CADM1: variants seen among roughly 807,000 people sequenced by gnomAD.
CADM1 encodes the protein cell adhesion molecule 1, also known as TSLC-1.
Under a neutral mutation model 53.1 loss-of-function variants are expected in CADM1, and 15 were observed. The observed-to-expected ratio is 0.28, with a 90% CI of 0.19 to 0.44. The LOEUF is 0.44. CADM1 is among the 20% of genes least tolerant of loss of function. The pLI is 1.00. For synonymous variants in CADM1, 281 were observed against 243.0 expected, an observed-to-expected ratio of 1.16 and a Z score of -1.45; for missense variants, 434 against 611.3, an observed-to-expected ratio of 0.71 and a Z score of 3.06.
chr11:115,402,178 A>G (rs1014789018), intron 1 of CADM1, among the ~76,000 whole-genome samples: 4 of 152,226 alleles, frequency 2.6e-5, no homozygotes, highest in African/African-American at 9.6e-5. Context: ...TACTTGGAAA[A>G]ACAATGTTCG....
chr11:115,253,573 G>A (rs1942677783), intron 1 of CADM1, among the ~76,000 whole-genome samples: 3 of 152,116 alleles, frequency 2.0e-5, no homozygotes, highest in Admixed American at 1.3e-4. Flanking sequence ...ATATTCTTAG[G>A]TAAAAATATA....
intron 1 of CADM1, among the ~76,000 whole-genome samples, chr11:115,422,342 G>C (rs560748261): frequency 1.3e-5 from 2 of 152,256 alleles, no homozygotes; most frequent in East Asian, 3.9e-4. Flanking sequence ...ATGTTCGTTT[G>C]ACCCGAAGCT....
intron 4 of CADM1, among the ~76,000 whole-genome samples, 198 bp from the exon 5 acceptor site, chr11:115,229,469 C>T (rs1941741384): frequency 6.6e-6 from 1 of 152,128 alleles, no homozygotes; most frequent in South Asian, 2.1e-4. Context: ...TTCAACCAGG[C>T]AGCATAGTAT....
At chr11:115,393,040 G>C (rs1946878600) in intron 1 of CADM1, among the ~76,000 whole-genome samples, 1 of 123,524 alleles carries the variant, frequency 8.1e-6, no homozygotes, top group Non-Finnish European at 1.6e-5. Context: ...ACCAGCCTGG[G>C]CAACATAGCG....
intron 1 of CADM1, among the ~76,000 whole-genome samples, chr11:115,363,420 CTCT>C (rs1345065107): frequency 6.6e-6 from 1 of 152,200 alleles, no homozygotes; most frequent in African/African-American, 2.4e-5. Flanking sequence ...ATAGTTCCCT[CTCT>C]TCTTGTAAGA....
chr11:115,383,980 T>C (rs1006712972), intron 1 of CADM1, among the ~76,000 whole-genome samples: 1 of 152,162 alleles, frequency 6.6e-6, no homozygotes, highest in Non-Finnish European at 1.5e-5. Context: ...CAACTGATCT[T>C]CATCTGTGTA....
chr11:115,248,786 A>AAG (rs144465950), intron 1 of CADM1, among the ~76,000 whole-genome samples: 3 of 152,138 alleles, frequency 2.0e-5, no homozygotes, highest in Admixed American at 2.0e-4. Context: ...TGAGAACTAA[A>AAG]AGAGAGAGAA....
intron 1 of CADM1, among the ~76,000 whole-genome samples, chr11:115,351,134 C>CAA (rs11378291): frequency 1.5e-4 from 23 of 151,780 alleles, no homozygotes; most frequent in African/African-American, 4.1e-4. Context: ...AGGAAACAAA[C>CAA]AAAAAAAAGT....
chr11:115,333,187 C>T (rs1023520836), intron 1 of CADM1, among the ~76,000 whole-genome samples: 18 of 152,196 alleles, frequency 1.2e-4, no homozygotes, highest in Admixed American at 2.6e-4. Flanking sequence ...TCCTAATTAG[C>T]CTCCTACTCC....
At chr11:115,306,108 C>T (rs1393278996) in intron 1 of CADM1, among the ~76,000 whole-genome samples, 1 of 6,852 alleles carries the variant, frequency 1.5e-4, no homozygotes, top group Admixed American at 1.4e-3. Context: ...ACACACATAC[C>T]GTCATGTGCC....
chr11:115,227,636 G>T (rs1388424851), intron 5 of CADM1, among the ~76,000 whole-genome samples: 3 of 152,048 alleles, frequency 2.0e-5, no homozygotes, highest in African/African-American at 7.2e-5. Context: ...CCCATTATAG[G>T]GACATTATAC....
chr11:115,176,477 G>A lies in CADM1; in HGVS notation c.1413C>T (p.Ile471=). ...TCATTGAAACAAAAAGGCTGATCTA[G>A]ATGAAGTACTCTTTCTTTTCTTCGG... ...NNSEEKKEYF[I] Residue 471 remains isoleucine (I), a synonymous_variant, in exon 12 of 12, where the codon ATC becomes ATT. Coordinates refer to ENST00000331581, the MANE Select transcript of CADM1 (RefSeq NM_001301043.2). 2 of 1,613,908 alleles carry A rather than the reference G, an allele frequency of 1.2e-6. No individual in the cohort carries two copies. Among genetic ancestry groups the A allele is most frequent in the Non-Finnish European group, 1.7e-6 (2 of 1,179,844 alleles).
chr11:115,180,127 C>A (rs542282656), intron 10 of CADM1, among the ~76,000 whole-genome samples: 1 of 152,242 alleles, frequency 6.6e-6, no homozygotes, highest in African/African-American at 2.4e-5. Flanking sequence ...GAGCCGAAAC[C>A]TGATACAACG....
intron 1 of CADM1, among the ~76,000 whole-genome samples, chr11:115,459,940 T>C (rs1360352882): frequency 3.3e-5 from 5 of 152,164 alleles, no homozygotes; most frequent in Non-Finnish European, 1.5e-5. Flanking sequence ...ATATAATTTG[T>C]TTAAGCTTCT....
intron 1 of CADM1, among the ~76,000 whole-genome samples, chr11:115,404,345 AAATATATATATATATATATATATAT>A (rs1565409986): frequency 2.5e-5 from 1 of 40,786 alleles, no homozygotes; most frequent in East Asian, 3.9e-4. Context: ...AAAAAAAAAA[AAATATATATATATATATATATATAT>A]ATATATATAT....
rs551821629 is a variant in CADM1 at position 115,239,768 on chromosome 11, T to C, written c.271+506A>G. 2.0e-5 allele frequency among the ~76,000 whole-genome samples: 3 copies of C among 152,024 alleles called. No individual in the cohort carries two copies. The South Asian group carries it at 6.2e-4, about 32-fold the overall frequency. On this transcript the variant is annotated intron_variant, in intron 2 of 11. Coordinates refer to ENST00000331581, the MANE Select transcript of CADM1 (RefSeq NM_001301043.2). ...TGCTCTTACTAAGCCCTGACACTGA[T>C]ATGAACCATTTCTATTCTATACAAG...
At chr11:115,190,180 G>A (rs1281160254) in intron 10 of CADM1, among the ~76,000 whole-genome samples, 1 of 152,202 alleles carries the variant, frequency 6.6e-6, no homozygotes. Flanking sequence ...TGGCAGTTAA[G>A]TCCCACAACA....
At chr11:115,308,959 T>C (rs1944463411) in intron 1 of CADM1, among the ~76,000 whole-genome samples, 1 of 152,132 alleles carries the variant, frequency 6.6e-6, no homozygotes, top group South Asian at 2.1e-4. Flanking sequence ...AGTTAAACTA[T>C]GTGTTACACA....
At chr11:115,455,151 A>G (rs1948655483) in intron 1 of CADM1, among the ~76,000 whole-genome samples, 1 of 152,182 alleles carries the variant, frequency 6.6e-6, no homozygotes, top group Non-Finnish European at 1.5e-5. Flanking sequence ...TGTTATTAAC[A>G]TGGCAAGTCC....
Sources: gnomAD v4.1 joint callset for allele counts (sites outside exome capture counted in the v4.1 genomes callset) on GRCh38, gnomAD v4.1.1 for gene constraint, MANE v1.5 for transcripts, NCBI Gene and HGNC (gene_info 2026-07-23, HGNC 2026-07-21) for gene names.